OPCML: variants seen among roughly 807,000 people sequenced by gnomAD.
OPCML encodes the protein opioid-binding protein/cell adhesion molecule.
In OPCML, 13 loss-of-function variants were observed where a neutral mutation model predicts 37.8. The observed-to-expected ratio is 0.34, with a 90% CI of 0.22 to 0.55. The LOEUF is 0.55. Among genes scored for constraint, OPCML ranks in the 20% least tolerant of loss-of-function variants. The pLI, the probability that OPCML is intolerant of heterozygous loss-of-function variation, is 0.91. For synonymous variants in OPCML, 176 were observed against 168.8 expected, an observed-to-expected ratio of 1.04 and a Z score of -0.33; for missense variants, 341 against 435.6, an observed-to-expected ratio of 0.78 and a Z score of 1.93.
At chr11:133,170,068 A>G (rs1950267179) in intron 1 of OPCML, among the ~76,000 whole-genome samples, 1 of 152,232 alleles carries the variant, frequency 6.6e-6, no homozygotes, top group Non-Finnish European at 1.5e-5. Flanking sequence ...TGTACAATGA[A>G]TATGCACTGT....
rs1273045682 is a variant in OPCML at position 132,972,230 on chromosome 11, GC to G, written c.62-29221del. Among the ~76,000 whole-genome samples, 12 of 152,224 alleles carry G rather than the reference GC, an allele frequency of 7.9e-5. No individual in the cohort carries two copies. The East Asian group carries it at 1.4e-3, about 17-fold the overall frequency. ...CGTTGTAAAACAGGAAGTCTTGGTG[GC>G]CCCAGTCCTGCGGTGTGATTTTCTA... is the stretch of plus-strand genomic sequence containing the variant. On this transcript the variant is annotated intron_variant, in intron 1 of 7. Transcript: ENST00000524381.
intron 1 of OPCML, among the ~76,000 whole-genome samples, chr11:133,376,922 C>T (rs903791408): frequency 2.6e-5 from 4 of 152,026 alleles, no homozygotes; most frequent in Non-Finnish European, 4.4e-5. Context: ...CATCTTCATG[C>T]ATGTTTTGCA....
intron 1 of OPCML, among the ~76,000 whole-genome samples, chr11:133,340,384 G>A (rs2136668365): frequency 6.6e-6 from 1 of 152,274 alleles, no homozygotes; most frequent in East Asian, 1.9e-4. Flanking sequence ...TGGCAAAGTG[G>A]TAGACTCAAA....
At chr11:132,762,092 G>T (rs562106614) in intron 2 of OPCML, among the ~76,000 whole-genome samples, 1 of 152,308 alleles carries the variant, frequency 6.6e-6, no homozygotes, top group East Asian at 1.9e-4. Context: ...GCTGGAGTTT[G>T]CTGGAGGTCC....
At chr11:133,345,908 T>G (rs1418237123) in intron 1 of OPCML, among the ~76,000 whole-genome samples, 1 of 152,194 alleles carries the variant, frequency 6.6e-6, no homozygotes, top group Non-Finnish European at 1.5e-5. Flanking sequence ...ACACAGGCAC[T>G]CTAGATTTCG....
intron 1 of OPCML, among the ~76,000 whole-genome samples, chr11:133,070,517 G>A (rs932394688): frequency 1.3e-5 from 2 of 152,134 alleles, no homozygotes; most frequent in Non-Finnish European, 2.9e-5. Flanking sequence ...CAATTCTATT[G>A]CCTATGGACG....
At chr11:132,799,175 A>G (rs1030201353) in intron 2 of OPCML, among the ~76,000 whole-genome samples, 2 of 152,184 alleles carry the variant, frequency 1.3e-5, no homozygotes, top group Admixed American at 6.5e-5. Context: ...AAAGTCCTAC[A>G]TGGCATCTTC....
chr11:133,434,417 A>T (rs900289357), intron 1 of OPCML, among the ~76,000 whole-genome samples: 1 of 151,222 alleles, frequency 6.6e-6, no homozygotes, highest in Non-Finnish European at 1.5e-5. Flanking sequence ...CCTCATATTG[A>T]ATATATATCA....
chr11:132,579,064 T>C (rs926590021), intron 3 of OPCML, among the ~76,000 whole-genome samples: 1 of 152,200 alleles, frequency 6.6e-6, no homozygotes, highest in Non-Finnish European at 1.5e-5. Context: ...ACCCTGACTT[T>C]ATCTCTGCCA....
chr11:132,918,785 A>C (rs1944691459), intron 2 of OPCML, among the ~76,000 whole-genome samples: 1 of 149,454 alleles, frequency 6.7e-6, no homozygotes, highest in African/African-American at 2.5e-5. Context: ...GCCAACATAA[A>C]GCACCAGGGT....
chr11:133,458,548 CG>C (rs139979925), intron 1 of OPCML, among the ~76,000 whole-genome samples: 8,097 of 86,558 alleles, frequency 0.094, 1,345 homozygotes, highest in Admixed American at 0.14. Flanking sequence ...CATATATACA[CG>C]TGTGTGTGTA....
At chr11:132,491,546 G>A (rs374882966) in intron 4 of OPCML, among the ~76,000 whole-genome samples, 3 of 152,212 alleles carry the variant, frequency 2.0e-5, no homozygotes, top group East Asian at 3.8e-4. Flanking sequence ...GGGGCTCATG[G>A]TATATTAACT....
chr11:132,590,055 A>G (rs553266254), intron 3 of OPCML, among the ~76,000 whole-genome samples: 7 of 152,260 alleles, frequency 4.6e-5, no homozygotes, highest in African/African-American at 1.7e-4. Flanking sequence ...GGCAATGCAG[A>G]TCTTTTAATG....
chr11:132,782,736 A>G (rs1262994521), intron 2 of OPCML, among the ~76,000 whole-genome samples: 1 of 151,950 alleles, frequency 6.6e-6, no homozygotes, highest in Non-Finnish European at 1.5e-5. Context: ...GGTAGGCTGA[A>G]GCGGAGTCAT....
chr11:132,859,437 A>T (rs1459119711), intron 2 of OPCML: 1 of 152,240 alleles, frequency 6.6e-6, no homozygotes, highest in Admixed American at 6.5e-5. Flanking sequence ...AAGTTAACTG[A>T]GTCCCAAACA....
intron 2 of OPCML, among the ~76,000 whole-genome samples, chr11:132,848,783 C>A (rs1941668665): frequency 6.6e-6 from 1 of 152,186 alleles, no homozygotes; most frequent in Admixed American, 6.5e-5. Flanking sequence ...TTGATCTGAG[C>A]AAATCACTTT....
intron 1 of OPCML, among the ~76,000 whole-genome samples, chr11:133,045,508 G>A (rs373272828): frequency 5.0e-4 from 76 of 152,278 alleles, no homozygotes; most frequent in Middle Eastern, 3.4e-3. Context: ...ATGTAGCACC[G>A]TCATTGGAGA....
intron 3 of OPCML, among the ~76,000 whole-genome samples, chr11:132,621,725 G>T (rs56831424): frequency 6.6e-6 from 1 of 152,162 alleles, no homozygotes; most frequent in Non-Finnish European, 1.5e-5. Context: ...AGTTCTCCTT[G>T]CTGTACATAT....
intron 2 of OPCML, among the ~76,000 whole-genome samples, chr11:132,784,764 A>G (rs761207659): frequency 1.3e-5 from 2 of 152,050 alleles, no homozygotes; most frequent in Non-Finnish European, 2.9e-5. Context: ...AGAGCCTGGC[A>G]CCTCCTGCCC....
Sources: gnomAD v4.1 joint callset for allele counts (sites outside exome capture counted in the v4.1 genomes callset) on GRCh38, gnomAD v4.1.1 for gene constraint, MANE v1.5 for transcripts, NCBI Gene and HGNC (gene_info 2026-07-23, HGNC 2026-07-21) for gene names.